Variants in SRGAP1 observed in about 807,000 individuals in gnomAD.
The protein encoded by SRGAP1 is SLIT-ROBO Rho GTPase activating protein 1, also known as SLIT-ROBO Rho GTPase-activating protein 1.
A neutral mutation model predicts 121.9 loss-of-function variants in SRGAP1; 43 were observed. That is an observed-to-expected ratio of 0.35 (90% confidence interval 0.28 to 0.46). SRGAP1 has a LOEUF of 0.46. Among genes scored for constraint, SRGAP1 ranks in the 20% least tolerant of loss-of-function variants. The pLI is 1.00. For synonymous variants in SRGAP1, 447 were observed against 485.4 expected, an observed-to-expected ratio of 0.92 and a Z score of 1.04; for missense variants, 1,102 against 1,350.9, an observed-to-expected ratio of 0.82 and a Z score of 2.89.
In SRGAP1 at chr12:64,149,496, T is replaced by C. The variant is rs982474271; in HGVS notation, c.*6824T>C. On this transcript the variant is annotated 3_prime_UTR_variant, in exon 22 of 22. Transcript: ENST00000355086. ...TCTGTAGAGTTGTTCCAGGAAAGAC[T>C]CCACCATCCTGCTACCCTCAAATCT... 68 of 152,046 alleles carry C rather than the reference T, an allele frequency of 4.5e-4. No individual in the cohort carries two copies. Among genetic ancestry groups the C allele is most frequent in the African/African-American group, 1.5e-3 (63 of 41,378 alleles). The allele number at this position is 152,046 out of a possible 1,614,324, so 9.4% of individuals were successfully genotyped here.
intron 1 of SRGAP1, among the ~76,000 whole-genome samples, chr12:63,927,247 G>T (rs554125953): frequency 1.6e-4 from 24 of 152,132 alleles, no homozygotes; most frequent in Non-Finnish European, 3.2e-4. Context: ...TAGAACTTGC[G>T]CTTTGTAAGC....
intron 4 of SRGAP1, among the ~76,000 whole-genome samples, chr12:64,027,343 CTA>C (rs752169158): frequency 6.6e-6 from 1 of 151,930 alleles, no homozygotes; most frequent in Non-Finnish European, 1.5e-5. Context: ...ATAACACAGA[CTA>C]TTATGTACCC....
chr12:64,017,449 G>A (rs1211801672), intron 4 of SRGAP1, among the ~76,000 whole-genome samples: 1 of 152,132 alleles, frequency 6.6e-6, no homozygotes, highest in East Asian at 1.9e-4. Context: ...GAGGTCAGGA[G>A]TTTGAGACCA....
At chr12:63,883,919 A>G (rs925626113) in intron 1 of SRGAP1, among the ~76,000 whole-genome samples, 6 of 150,812 alleles carry the variant, frequency 4.0e-5, no homozygotes, top group African/African-American at 1.5e-4. Context: ...CGGCCTCACA[A>G]AGTGCTGGGA....
chr12:63,891,202 G>A (rs998099122), intron 1 of SRGAP1, among the ~76,000 whole-genome samples: 1 of 152,124 alleles, frequency 6.6e-6, no homozygotes, highest in Non-Finnish European at 1.5e-5. Context: ...CAAGGCCAGT[G>A]GCCTTCACCG....
intron 1 of SRGAP1, among the ~76,000 whole-genome samples, chr12:63,961,912 A>AAACCT (rs1472966766): frequency 6.6e-6 from 1 of 152,206 alleles, no homozygotes; most frequent in African/African-American, 2.4e-5. Context: ...TGGTTGCAGA[A>AAACCT]AACCTTTCAG....
intron 1 of SRGAP1, among the ~76,000 whole-genome samples, chr12:63,866,286 A>G (rs534901565): frequency 1.4e-4 from 22 of 152,266 alleles, no homozygotes; most frequent in African/African-American, 4.8e-4. Context: ...CTCCTTTGCA[A>G]AACTTCTTGA....
chr12:64,041,894 T>TATTATC (rs1160440418), intron 4 of SRGAP1, among the ~76,000 whole-genome samples: 2 of 145,930 alleles, frequency 1.4e-5, no homozygotes, highest in African/African-American at 5.1e-5. Flanking sequence ...TTATTATTAT[T>TATTATC]ATTATTATTA....
intron 4 of SRGAP1, among the ~76,000 whole-genome samples, chr12:64,033,773 A>G (rs1373437608): frequency 1.3e-5 from 2 of 152,014 alleles, no homozygotes; most frequent in African/African-American, 2.4e-5. Context: ...TATAATCCCA[A>G]CACTTTGGGA....
chr12:64,108,979 C>T lies in SRGAP1; in HGVS notation c.1861C>T (p.Leu621=). ...ERALHIRKLL[L]TLPRSVLIVM... is the part of the protein sequence containing the mutation. ...GGCGCTTCACATCCGCAAACTCCTC[C>T]TGACTTTGCCCAGGTCGGTCCTTAT... Residue 621 remains leucine, a synonymous_variant, in exon 16 of 22, where the codon CTG becomes TTG. Coordinates refer to ENST00000355086, the MANE Select transcript of SRGAP1 (RefSeq NM_020762.4). 1 of 1,604,938 alleles carries T rather than the reference C, an allele frequency of 6.2e-7. No individual in the cohort carries two copies.
chr12:63,945,990 C>T (rs1260581824), intron 1 of SRGAP1, among the ~76,000 whole-genome samples: 1 of 152,110 alleles, frequency 6.6e-6, no homozygotes. Context: ...CTACCTGGTT[C>T]ACCCACACAT....
At chr12:64,122,859 C>G (rs530935002) in intron 18 of SRGAP1, among the ~76,000 whole-genome samples, 1 of 152,274 alleles carries the variant, frequency 6.6e-6, no homozygotes, top group Admixed American at 6.5e-5. Flanking sequence ...GATCACGCCA[C>G]TGCACTCCAG....
intron 3 of SRGAP1, among the ~76,000 whole-genome samples, chr12:64,008,950 C>T (rs551379665): frequency 1.6e-4 from 25 of 152,214 alleles, no homozygotes; most frequent in Non-Finnish European, 2.6e-4. Flanking sequence ...TAATCCCAGC[C>T]ACCTGAGTTG....
intron 1 of SRGAP1, among the ~76,000 whole-genome samples, chr12:63,921,025 C>T (rs1266651041): frequency 6.6e-6 from 1 of 152,114 alleles, no homozygotes; most frequent in Non-Finnish European, 1.5e-5. Context: ...TTGTCCCACC[C>T]TTGAACTTCT....
intron 21 of SRGAP1, among the ~76,000 whole-genome samples, chr12:64,130,955 G>A (rs1056994833): frequency 3.3e-5 from 5 of 152,226 alleles, no homozygotes; most frequent in African/African-American, 1.2e-4. Context: ...CCTGAGGAAT[G>A]GTGCCATATC....
chr12:63,955,084 G>T (rs1169176349), intron 1 of SRGAP1, among the ~76,000 whole-genome samples: 1 of 152,156 alleles, frequency 6.6e-6, no homozygotes, highest in Non-Finnish European at 1.5e-5. Context: ...TTGGGAGCCC[G>T]AGGTGGGCGG....
intron 3 of SRGAP1, among the ~76,000 whole-genome samples, chr12:63,994,906 C>T (rs1460662637): frequency 6.6e-6 from 1 of 152,208 alleles, no homozygotes; most frequent in Admixed American, 6.5e-5. Context: ...GGTTCTGCAG[C>T]CAGAAAATGT....
At chr12:63,897,390 G>A (rs1900788905) in intron 1 of SRGAP1, among the ~76,000 whole-genome samples, 1 of 152,196 alleles carries the variant, frequency 6.6e-6, no homozygotes, top group Admixed American at 6.5e-5. Context: ...ATGCTTATGA[G>A]AATAATGTTT....
At chr12:64,014,455 G>A (rs768657713) in intron 3 of SRGAP1, among the ~76,000 whole-genome samples, 3 of 152,132 alleles carry the variant, frequency 2.0e-5, no homozygotes, top group Admixed American at 2.0e-4. Context: ...ACACACTGGG[G>A]CCTACTGGAG....
Sources: gnomAD v4.1 joint callset for allele counts (sites outside exome capture counted in the v4.1 genomes callset) on GRCh38, gnomAD v4.1.1 for gene constraint, MANE v1.5 for transcripts, NCBI Gene and HGNC (gene_info 2026-07-23, HGNC 2026-07-21) for gene names.